The following LMNTD1 variants were observed in gnomAD, a reference collection of about 807,000 sequenced individuals.
The protein encoded by LMNTD1 is lamin tail domain-containing protein 1.
A neutral mutation model predicts 50.9 loss-of-function variants in LMNTD1; 35 were observed. The observed-to-expected ratio is 0.69, with a 90% CI of 0.53 to 0.91. LMNTD1 has a LOEUF of 0.91. Among genes scored for constraint, LMNTD1 ranks in the 40% least tolerant of loss-of-function variants. The probability of loss-of-function intolerance (pLI) is 0.00; values close to 1 mark genes in which losing one functional copy is unlikely to be tolerated. For synonymous variants in LMNTD1, 153 were observed against 161.9 expected (o/e 0.94, Z 0.42); for missense variants, 470 against 475.5 (o/e 0.99, Z 0.11).
chr12:25,552,043 A>T (rs1157858414), intron 2 of LMNTD1, among the ~76,000 whole-genome samples: 3 of 152,170 alleles, frequency 2.0e-5, no homozygotes, highest in African/African-American at 7.2e-5. Flanking sequence ...TTAAAAATGG[A>T]CTTGGACTGA....
chr12:25,537,892 C>T (rs1942732271), intron 4 of LMNTD1, among the ~76,000 whole-genome samples: 1 of 147,998 alleles, frequency 6.8e-6, no homozygotes, highest in Non-Finnish European at 1.5e-5. Context: ...GCTGATGGAG[C>T]TGAAAACCAA....
At chr12:25,512,303 G>C (rs184450447) in intron 8 of LMNTD1, among the ~76,000 whole-genome samples, 2 of 152,300 alleles carry the variant, frequency 1.3e-5, no homozygotes, top group African/African-American at 2.4e-5. Flanking sequence ...CAAAAAACGA[G>C]ACAATAGCAA....
chr12:25,483,151 G>A (rs540986809), intron 9 of LMNTD1, among the ~76,000 whole-genome samples: 22 of 151,854 alleles, frequency 1.4e-4, no homozygotes, highest in South Asian at 6.3e-4. Flanking sequence ...TGGGCTGGGC[G>A]TGGTGGCTCA....
At chr12:25,529,201 C>A (rs560901531) in intron 4 of LMNTD1, among the ~76,000 whole-genome samples, 1 of 152,236 alleles carries the variant, frequency 6.6e-6, no homozygotes, top group East Asian at 1.9e-4. Flanking sequence ...TTCACCCAGC[C>A]CCTTCACGCA....
chr12:25,478,168 C>T (rs903053550), intron 9 of LMNTD1, among the ~76,000 whole-genome samples: 1 of 152,120 alleles, frequency 6.6e-6, no homozygotes, highest in Non-Finnish European at 1.5e-5. Flanking sequence ...TACCCAGGAT[C>T]AATACTTCAA....
At chr12:25,579,939 A>C (rs1402758888) in intron 1 of LMNTD1, among the ~76,000 whole-genome samples, 2 of 152,128 alleles carry the variant, frequency 1.3e-5, no homozygotes, top group Non-Finnish European at 2.9e-5. Flanking sequence ...CATAGATGTA[A>C]TTATTTGGGT....
chr12:25,597,493 C>T (rs1462332210), intron 1 of LMNTD1, among the ~76,000 whole-genome samples: 1 of 151,992 alleles, frequency 6.6e-6, no homozygotes, highest in Non-Finnish European at 1.5e-5. Flanking sequence ...AACTGAAGCA[C>T]CCAGATATAC....
chr12:25,573,950 T>C (rs916628572), intron 1 of LMNTD1, among the ~76,000 whole-genome samples: 5 of 152,158 alleles, frequency 3.3e-5, no homozygotes, highest in African/African-American at 1.2e-4. Flanking sequence ...TGTTCAGAAC[T>C]TTTATAAACC....
intron 1 of LMNTD1, among the ~76,000 whole-genome samples, chr12:25,558,967 G>GT (rs71065955): frequency 0.15 from 22,414 of 146,186 alleles, 3,121 homozygotes; most frequent in African/African-American, 0.37. Context: ...TTGACTTACA[G>GT]TTTTTTTTTT....
At chr12:25,509,243 G>A (rs1485345326) in intron 8 of LMNTD1, among the ~76,000 whole-genome samples, 5 of 152,108 alleles carry the variant, frequency 3.3e-5, no homozygotes, top group African/African-American at 4.8e-5. Flanking sequence ...GAGTAGCTGG[G>A]ATTACAGGTG....
At chr12:25,570,186 G>C (rs1944728381) in intron 1 of LMNTD1, among the ~76,000 whole-genome samples, 1 of 152,122 alleles carries the variant, frequency 6.6e-6, no homozygotes, top group South Asian at 2.1e-4. Flanking sequence ...ACATGTTTCA[G>C]GCATGCTCCT....
intron 9 of LMNTD1, among the ~76,000 whole-genome samples, chr12:25,492,582 T>C (rs1430565900): frequency 6.6e-6 from 1 of 152,228 alleles, no homozygotes; most frequent in Admixed American, 6.5e-5. Context: ...ATGTCATCAC[T>C]GTATTTGATC....
At chr12:25,574,903 A>G (rs886820433) in intron 1 of LMNTD1, among the ~76,000 whole-genome samples, 2 of 152,164 alleles carry the variant, frequency 1.3e-5, no homozygotes, top group African/African-American at 4.8e-5. Context: ...ATTACAAATT[A>G]ACAAATCCCA....
chr12:25,593,866 AC>A, intron 1 of LMNTD1, among the ~76,000 whole-genome samples: 1 of 152,114 alleles, frequency 6.6e-6, no homozygotes, highest in Non-Finnish European at 1.5e-5. Flanking sequence ...AATAGCATAA[AC>A]AAAAAACATT....
At chr12:25,538,082 C>A (rs967383956) in intron 4 of LMNTD1, among the ~76,000 whole-genome samples, 10 of 133,356 alleles carry the variant, frequency 7.5e-5, no homozygotes, top group Admixed American at 2.4e-4. Flanking sequence ...GTGAAAAGAC[C>A]AAATCTACGT....
intron 1 of LMNTD1, among the ~76,000 whole-genome samples, chr12:25,559,763 T>C (rs1399903188): frequency 1.3e-5 from 2 of 152,208 alleles, no homozygotes; most frequent in Non-Finnish European, 2.9e-5. Context: ...TGGTATCTCA[T>C]TGTGGTTTTG....
intron 9 of LMNTD1, among the ~76,000 whole-genome samples, chr12:25,483,782 A>C: frequency 6.9e-6 from 1 of 144,076 alleles, no homozygotes; most frequent in Non-Finnish European, 1.5e-5. Context: ...CAAAAAAAAA[A>C]AAAAAGAATG....
chr12:25,499,432 CTG>C (rs1939255807), intron 9 of LMNTD1, among the ~76,000 whole-genome samples: 2 of 152,188 alleles, frequency 1.3e-5, no homozygotes, highest in Admixed American at 1.3e-4. Flanking sequence ...GAACTCAACT[CTG>C]TAATGTGCAC....
At chr12:25,620,895 T>C (rs1592112271) in intron 1 of LMNTD1, among the ~76,000 whole-genome samples, 1 of 152,166 alleles carries the variant, frequency 6.6e-6, no homozygotes, top group Non-Finnish European at 1.5e-5. Flanking sequence ...CCACCAACAC[T>C]ATGCAATAGG....
Sources: gnomAD v4.1 joint callset for allele counts (sites outside exome capture counted in the v4.1 genomes callset) on GRCh38, gnomAD v4.1.1 for gene constraint, MANE v1.5 for transcripts, NCBI Gene and HGNC (gene_info 2026-07-23, HGNC 2026-07-21) for gene names.